MYT1L: variants seen among roughly 807,000 people sequenced by gnomAD.
MYT1L encodes myelin transcription factor 1 like.
In MYT1L, 12 loss-of-function variants were observed where a neutral mutation model predicts 126.7. The ratio of observed to expected loss-of-function variants is 0.09; its 90% CI spans 0.06 to 0.15. The LOEUF (loss-of-function observed/expected upper bound fraction) is 0.15, where lower values mean the gene tolerates loss of function less well. Ranked by LOEUF, MYT1L falls within the 10% of genes least tolerant of loss-of-function variation. The probability of loss-of-function intolerance (pLI) is 1.00; values close to 1 mark genes in which losing one functional copy is unlikely to be tolerated. For missense variants in MYT1L, 979 were observed against 1,585.2 expected (o/e 0.62, Z 6.49); for synonymous variants, 541 against 604.2 (o/e 0.90, Z 1.53).
At chr2:2,231,072 A>T (rs2094149583) in intron 2 of MYT1L, among the ~76,000 whole-genome samples, 1 of 152,174 alleles carries the variant, frequency 6.6e-6, no homozygotes, top group African/African-American at 2.4e-5. Context: ...AATAGGAATC[A>T]ACATTATCCA....
At chr2:2,180,902 TTGTG>T (rs1157396722) in intron 2 of MYT1L, among the ~76,000 whole-genome samples, 5 of 143,080 alleles carry the variant, frequency 3.5e-5, no homozygotes, top group Middle Eastern at 4.6e-3. Context: ...ACCTCTGTGC[TTGTG>T]TATGTACCTG....
Position 2,109,873 on chromosome 2 carries a change from TTTTATATATA to T in MYT1L, c.-303-55760_-303-55751del, listed in dbSNP as rs1400961673. 1.8e-4 allele frequency among the ~76,000 whole-genome samples: 15 copies of T among 82,016 alleles called. No individual in the cohort carries two copies. In the Admixed American group the frequency reaches 1.9e-3, roughly 10 times the overall value. 53.8% of individuals were successfully genotyped at this position (82,016 alleles called of 152,430 possible). A position where few individuals can be genotyped will look rare whatever the true frequency, so the allele number is the denominator to read the frequency against. ...GGAGGAAGATTCACAAAAGTGCTGA[TTTTATATATA>T]TATATATATATATATATATATATAT... On this transcript the variant is annotated intron_variant, in intron 3 of 24. Transcript: ENST00000647738.
At chr2:2,313,164 A>G (rs2096003545) in intron 1 of MYT1L, among the ~76,000 whole-genome samples, 2 of 152,202 alleles carry the variant, frequency 1.3e-5, no homozygotes, top group African/African-American at 2.4e-5. Context: ...GGGTGAAAGA[A>G]GGAGCTTTTT....
chr2:2,179,312 G>A (rs1370767983), intron 2 of MYT1L, among the ~76,000 whole-genome samples: 2 of 152,184 alleles, frequency 1.3e-5, no homozygotes, highest in Non-Finnish European at 2.9e-5. Context: ...GCATAGCCCT[G>A]CCTTCCTTTC....
intron 20 of MYT1L, among the ~76,000 whole-genome samples, chr2:1,840,289 G>A (rs979439746): frequency 2.6e-5 from 4 of 152,262 alleles, no homozygotes; most frequent in East Asian, 1.9e-4. Flanking sequence ...GCAGCCCAGC[G>A]GTAGTCACAG....
At chr2:1,862,335 AG>A (rs1423628832) in intron 18 of MYT1L, among the ~76,000 whole-genome samples, 4 of 152,192 alleles carry the variant, frequency 2.6e-5, no homozygotes, top group Non-Finnish European at 5.9e-5. Flanking sequence ...AGTACCTTTA[AG>A]GTCAAAAAGG....
rs1314879099 is a variant in MYT1L at position 1,979,110 on chromosome 2, C to A, written c.152+55G>T. The A allele has an allele frequency of 6.9e-6, 10 of 1,443,484 alleles. No individual in the cohort carries two copies. In the East Asian group the frequency reaches 7.0e-5, roughly 10 times the overall value. The allele number at this position is 1,443,484 out of a possible 1,614,324, so 89.4% of individuals were successfully genotyped here. On this transcript the variant is annotated intron_variant, in intron 8 of 24. Transcript: ENST00000647738. This position sits in a 1 kb window ranked among gnomAD's most constrained non-coding sequence, Gnocchi z 4.0. ...ACACAGTTCATCATCAGGACTGGGT[C>A]CCCAAATAAGTCACTTTAGACAGCA...
At chr2:1,876,729 G>A (rs2046963977) in intron 18 of MYT1L, among the ~76,000 whole-genome samples, 1 of 152,190 alleles carries the variant, frequency 6.6e-6, no homozygotes, top group Admixed American at 6.5e-5. Context: ...ACATCGGGGA[G>A]ATTTGAGAAG....
At chr2:2,293,802 GA>G (rs1444078204) in intron 1 of MYT1L, among the ~76,000 whole-genome samples, 1 of 152,080 alleles carries the variant, frequency 6.6e-6, no homozygotes, top group Non-Finnish European at 1.5e-5. Flanking sequence ...AGACGTTTTT[GA>G]AAATGCACAA....
At chr2:2,027,425 C>T (rs951999673) in intron 4 of MYT1L, among the ~76,000 whole-genome samples, 3 of 152,118 alleles carry the variant, frequency 2.0e-5, no homozygotes, top group Non-Finnish European at 4.4e-5. Flanking sequence ...ATTCGGTTGG[C>T]GAAAGGCACA....
rs55838351 is a variant in MYT1L, at chr2:2,068,769, G to GTTTTTTTTTTTTT, written c.-303-14659_-303-14647dup. ...GGACACAGACACCTGTGTTCTTCTT[G>GTTTTTTTTTTTTT]TTTTTTTTTTTTTTTTTTTTTTTTT... On this transcript the variant is annotated intron_variant, in intron 3 of 24. Transcript: ENST00000647738. Among the ~76,000 whole-genome samples the GTTTTTTTTTTTTT allele has an allele frequency of 3.9e-3, 101 of 26,194 alleles. 21 individuals are homozygous for GTTTTTTTTTTTTT. Among genetic ancestry groups the GTTTTTTTTTTTTT allele is most frequent in the East Asian group, 7.8e-3 (4 of 512 alleles). 17.2% of individuals were successfully genotyped at this position (26,194 alleles called of 152,430 possible).
chr2:2,287,941 C>G (rs1003912529), intron 1 of MYT1L, among the ~76,000 whole-genome samples: 2 of 152,128 alleles, frequency 1.3e-5, no homozygotes, highest in African/African-American at 2.4e-5. Flanking sequence ...AAACACAAGG[C>G]CTTACATTAA....
At chr2:1,957,482 G>A (rs1038368158) in intron 8 of MYT1L, among the ~76,000 whole-genome samples, 5 of 151,706 alleles carry the variant, frequency 3.3e-5, no homozygotes, top group African/African-American at 9.7e-5. Flanking sequence ...ACGCCTTTGC[G>A]TCTTCATAGC....
chr2:1,875,545 CA>C (rs1309893190), intron 18 of MYT1L, among the ~76,000 whole-genome samples: 1 of 152,220 alleles, frequency 6.6e-6, no homozygotes, highest in Non-Finnish European at 1.5e-5. Context: ...CTGTTCAAGG[CA>C]AAATCAAAGC....
intron 2 of MYT1L, among the ~76,000 whole-genome samples, chr2:2,219,228 C>T (rs1559371201): frequency 6.6e-6 from 1 of 152,124 alleles, no homozygotes; most frequent in African/African-American, 2.4e-5. Context: ...AGCAGAAGCG[C>T]TCCATTTAGT....
rs185046542 is a variant in MYT1L, at chr2:2,215,995, C to T, written c.-420-43007G>A. On this transcript the variant is annotated intron_variant, in intron 2 of 24. Transcript: ENST00000647738. ...ATTTAAAAATGTGTGGCACCCTCTC[C>T]CCCAACCTTCTCTCCTCTTTCTCTC... is the stretch of plus-strand genomic sequence containing the variant. Among the ~76,000 whole-genome samples, 92 of 152,066 alleles carry T rather than the reference C, an allele frequency of 6.0e-4. 1 individual carries two copies. The highest frequency in any genetic ancestry group is 9.8e-4 in the Admixed American group (15 of 15,266).
At chr2:2,011,429 GAA>G (rs34924474) in intron 4 of MYT1L, among the ~76,000 whole-genome samples, 1 of 139,882 alleles carries the variant, frequency 7.1e-6, no homozygotes, top group African/African-American at 2.6e-5. Context: ...AGAAAAAAAA[GAA>G]AAAAAAAAAC....
chr2:1,868,209 C>T lies in MYT1L; in HGVS notation c.2712-16506G>A, dbSNP rs188991585. Among the ~76,000 whole-genome samples, 8 of 152,240 alleles carry T rather than the reference C, an allele frequency of 5.3e-5. No homozygotes were observed. The East Asian group carries it at 1.2e-3, about 22-fold the overall frequency. The stretch of plus-strand genomic sequence containing the variant: ...AACTCCTGACCTCAGGTGATCTGCC[C>T]GCCTTGGCCTCCCAAAGTGCTGGGA... On this transcript the variant is annotated intron_variant, in intron 18 of 24. Transcript: ENST00000647738.
At position 2,148,729 on chromosome 2, in the gene MYT1L, T is replaced by G. The variant is rs547235104; in HGVS notation, c.-304+24143A>C. 3.8e-4 allele frequency among the ~76,000 whole-genome samples: 58 copies of G among 152,300 alleles called. No individual in the cohort carries two copies. In the South Asian group the frequency reaches 0.011, roughly 30 times the overall value. Reference sequence around the variant, plus strand: ...AATAGAGTCCATTAAGATTGGAAGCTTGGGGTAAACAACATGAACAGGTTT... The same window carrying G: ...AATAGAGTCCATTAAGATTGGAAGCGTGGGGTAAACAACATGAACAGGTTT... On this transcript the variant is annotated intron_variant, in intron 3 of 24. Transcript: ENST00000647738.
Sources: gnomAD v4.1 joint callset for allele counts (sites outside exome capture counted in the v4.1 genomes callset) on GRCh38, gnomAD v4.1.1 for gene constraint, Gnocchi (gnomAD v3.1) non-coding constraint, MANE v1.5 for transcripts, NCBI Gene and HGNC (gene_info 2026-07-23, HGNC 2026-07-21) for gene names.